Variants in SHISA6 observed in about 807,000 individuals in gnomAD.
SHISA6 encodes the protein protein shisa-6.
A neutral mutation model predicts 47.9 loss-of-function variants in SHISA6; 22 were observed. That is an observed-to-expected ratio of 0.46 (90% CI 0.33 to 0.66). The LOEUF is 0.66. Ranked by LOEUF, SHISA6 falls within the 30% of genes least tolerant of loss-of-function variation. The pLI is 0.02. For synonymous variants in SHISA6, 388 were observed against 337.8 expected, an observed-to-expected ratio of 1.15 and a Z score of -1.63; for missense variants, 680 against 764.6, an observed-to-expected ratio of 0.89 and a Z score of 1.30.
chr17:11,492,859 A>G (rs1313552789), intron 3 of SHISA6, among the ~76,000 whole-genome samples: 1 of 151,984 alleles, frequency 6.6e-6, no homozygotes, highest in Non-Finnish European at 1.5e-5. Context: ...TTGCTTGTTT[A>G]CTGTCCCACA....
rs148231521 is a variant in SHISA6 at position 11,293,817 on chromosome 17, C to G, written c.799+30291C>G. On this transcript the variant is annotated intron_variant, in intron 2 of 5. Transcript: ENST00000441885. ...TCACACTTGTGAAATGGTTGCAAGT[C>G]CTGGCACACGCTGCGCAGTTCGAAT... Among the ~76,000 whole-genome samples the G allele has an allele frequency of 5.3e-5, 8 of 152,192 alleles. No individual in the cohort carries two copies. The East Asian group carries it at 1.5e-3, about 29-fold the overall frequency.
At chr17:11,482,421 C>T (rs911524257) in intron 3 of SHISA6, among the ~76,000 whole-genome samples, 1 of 152,202 alleles carries the variant, frequency 6.6e-6, no homozygotes, top group African/African-American at 2.4e-5. Context: ...AAGAATACAC[C>T]GGCCAACCAA....
At chr17:11,317,833 A>T (rs954342863) in intron 2 of SHISA6, among the ~76,000 whole-genome samples, 3 of 144,164 alleles carry the variant, frequency 2.1e-5, no homozygotes, top group African/African-American at 7.7e-5. Flanking sequence ...ATTATTCTAG[A>T]TATAATTATT....
rs560530760 is a variant in SHISA6 at position 11,563,976 on chromosome 17, A to G, written c.*5672A>G. On this transcript the variant is annotated 3_prime_UTR_variant, in exon 6 of 6. Coordinates refer to ENST00000441885, the MANE Select transcript of SHISA6 (RefSeq NM_207386.4). ...TTCTACATGTACTGTAAACAGATACACTTTAGTAAGATTTAGTCTTAAGGA... is the reference window on the plus strand; with the variant it reads ...TTCTACATGTACTGTAAACAGATACGCTTTAGTAAGATTTAGTCTTAAGGA... The G allele has an allele frequency of 3.9e-5, 6 of 152,350 alleles. No individual in the cohort carries two copies. In the South Asian group the frequency reaches 1.2e-3, roughly 32 times the overall value. 9.4% of individuals were successfully genotyped at this position (152,350 alleles called of 1,614,324 possible).
At chr17:11,393,927 T>G (rs1469486872) in intron 3 of SHISA6, among the ~76,000 whole-genome samples, 1 of 151,902 alleles carries the variant, frequency 6.6e-6, no homozygotes, top group Non-Finnish European at 1.5e-5. Context: ...ACTTTGGTAC[T>G]TATTGAACCA....
chr17:11,309,861 A>G (rs751704760), intron 2 of SHISA6, among the ~76,000 whole-genome samples: 9 of 152,354 alleles, frequency 5.9e-5, no homozygotes, highest in African/African-American at 9.6e-5. Flanking sequence ...AATCTGGAAT[A>G]TAAGTGTCAA....
chr17:11,549,777 T>C (rs1026726531), intron 3 of SHISA6, among the ~76,000 whole-genome samples: 1 of 152,242 alleles, frequency 6.6e-6, no homozygotes, highest in African/African-American at 2.4e-5. Flanking sequence ...TGCCATATTG[T>C]TTAAAAACGA....
intron 2 of SHISA6, among the ~76,000 whole-genome samples, chr17:11,338,112 A>G (rs977303941): frequency 4.6e-5 from 7 of 152,146 alleles, no homozygotes; most frequent in African/African-American, 1.7e-4. Context: ...AATCAGCTGG[A>G]CTCAGCATCT....
At chr17:11,322,243 T>G (rs528016540) in intron 2 of SHISA6, among the ~76,000 whole-genome samples, 2 of 152,314 alleles carry the variant, frequency 1.3e-5, no homozygotes, top group African/African-American at 4.8e-5. Flanking sequence ...TCACCTTTTT[T>G]TTCAGTCAAA....
chr17:11,482,377 G>T (rs116719267), intron 3 of SHISA6, among the ~76,000 whole-genome samples: 2 of 152,100 alleles, frequency 1.3e-5, no homozygotes. Flanking sequence ...TCCAGAAGAC[G>T]GCAGCTACAC....
At chr17:11,282,110 C>T (rs1206084718) in intron 2 of SHISA6, among the ~76,000 whole-genome samples, 2 of 152,212 alleles carry the variant, frequency 1.3e-5, no homozygotes, top group Non-Finnish European at 2.9e-5. Flanking sequence ...TCATCTTCCT[C>T]ACTCTCAATG....
At chr17:11,504,513 C>T (rs553969260) in intron 3 of SHISA6, among the ~76,000 whole-genome samples, 1 of 152,120 alleles carries the variant, frequency 6.6e-6, no homozygotes, top group East Asian at 1.9e-4. Context: ...AGAAGTGAAA[C>T]CAGCATTCCT....
At chr17:11,253,364 G>A (rs1410588875) in intron 1 of SHISA6, among the ~76,000 whole-genome samples, 1 of 151,106 alleles carries the variant, frequency 6.6e-6, no homozygotes, top group Non-Finnish European at 1.5e-5. Context: ...CAGATTAATA[G>A]CTCAAACAAG....
intron 2 of SHISA6, among the ~76,000 whole-genome samples, chr17:11,315,497 T>C (rs1292482166): frequency 1.3e-5 from 2 of 152,192 alleles, no homozygotes; most frequent in African/African-American, 4.8e-5. Context: ...GCATCCCTTA[T>C]AGAAATGTCT....
intron 3 of SHISA6, among the ~76,000 whole-genome samples, chr17:11,526,900 T>TATATATATATATATATAC (rs2071689150): frequency 4.3e-4 from 8 of 18,766 alleles, no homozygotes; most frequent in African/African-American, 2.1e-3. Flanking sequence ...TATATATATA[T>TATATATATATATATATAC]ATATATATAT....
At chr17:11,462,690 C>T (rs1340134289) in intron 3 of SHISA6, among the ~76,000 whole-genome samples, 9 of 152,008 alleles carry the variant, frequency 5.9e-5, no homozygotes, top group South Asian at 2.1e-4. Context: ...TGCAATGGCA[C>T]GATCTCGGCT....
Position 11,560,597 on chromosome 17 carries a change from G to C in SHISA6, c.*2293G>C, listed in dbSNP as rs546757978. ...GAGTGGCTGAGAATGCCCTTCCCAG[G>C]TGTCTACATGCAGGTATACACCAAA... On this transcript the variant is annotated 3_prime_UTR_variant, in exon 6 of 6. Transcript: ENST00000441885. 5 of 152,378 alleles carry C rather than the reference G, an allele frequency of 3.3e-5. No homozygotes were observed. The East Asian group carries it at 7.8e-4, about 24-fold the overall frequency. The allele number at this position is 152,378 out of a possible 1,614,324, so 9.4% of individuals were successfully genotyped here.
At chr17:11,547,602 A>G (rs2071893810) in intron 3 of SHISA6, among the ~76,000 whole-genome samples, 1 of 152,250 alleles carries the variant, frequency 6.6e-6, no homozygotes, top group Non-Finnish European at 1.5e-5. Flanking sequence ...TTAACAGAAA[A>G]GAGTGAAAAT....
At chr17:11,388,840 A>ATT (rs1491127702) in intron 3 of SHISA6, among the ~76,000 whole-genome samples, 1 of 106,036 alleles carries the variant, frequency 9.4e-6, no homozygotes, top group African/African-American at 3.9e-5. Context: ...ATATATATAT[A>ATT]TTTTAAAAAA....
Sources: gnomAD v4.1 joint callset for allele counts (sites outside exome capture counted in the v4.1 genomes callset) on GRCh38, gnomAD v4.1.1 for gene constraint, MANE v1.5 for transcripts, NCBI Gene and HGNC (gene_info 2026-07-23, HGNC 2026-07-21) for gene names.